Variants in PSMB2 observed in about 807,000 individuals in gnomAD.
The protein encoded by PSMB2 is proteasome 20S subunit beta 2.
PSMB2 carries 13 observed loss-of-function variants against 25.7 expected under a neutral mutation model. The observed-to-expected ratio is 0.51, with a 90% CI of 0.33 to 0.80. The LOEUF (loss-of-function observed/expected upper bound fraction) is 0.80. PSMB2 is among the 30% of genes least tolerant of loss of function. The pLI is 0.02. For synonymous variants in PSMB2, 87 were observed against 96.2 expected (o/e 0.90, Z 0.56); for missense variants, 202 against 259.0 (o/e 0.78, Z 1.51).
chr1:35,631,224 G>A, intron 3 of PSMB2, 50 bp downstream of exon 3: 3 of 1,565,346 alleles, frequency 1.9e-6, no homozygotes, highest in Non-Finnish European at 2.6e-6. Context: ...TATAAAAGAA[G>A]CACAAAGGAT....
chr1:35,601,606 T>C lies in PSMB2; in HGVS notation c.*1661A>G. On this transcript the variant is annotated 3_prime_UTR_variant, in exon 6 of 6. Coordinates refer to ENST00000373237, the MANE Select transcript of PSMB2 (RefSeq NM_002794.5). ...ATCTAATGTTAACCCAATACTTTAA[T>C]ATGAACGTTATGATCAGTAGGTAGT... The C allele has an allele frequency of 4.1e-6, 4 of 985,236 alleles. No homozygotes were observed. The highest frequency in any genetic ancestry group is 1.1e-4 in the East Asian group (1 of 8,816). The allele number at this position is 985,236 out of a possible 1,614,324, so 61.0% of individuals were successfully genotyped here.
At chr1:35,622,708 C>T (rs1650724946) in intron 3 of PSMB2, among the ~76,000 whole-genome samples, 1 of 151,400 alleles carries the variant, frequency 6.6e-6, no homozygotes, top group South Asian at 2.1e-4. Flanking sequence ...GAAAGCAACA[C>T]CTTCTCACAT....
chr1:35,628,261 A>G (rs1346433934), intron 3 of PSMB2, among the ~76,000 whole-genome samples: 2 of 152,082 alleles, frequency 1.3e-5, no homozygotes, highest in African/African-American at 4.8e-5. Context: ...AAGACATCAA[A>G]CATTTCTGCT....
intron 3 of PSMB2, among the ~76,000 whole-genome samples, chr1:35,629,338 A>G (rs77929824): frequency 7.4e-4 from 112 of 152,314 alleles, no homozygotes; most frequent in African/African-American, 2.6e-3. Flanking sequence ...TTTAGCAACC[A>G]TATGAACTTT....
Position 35,600,409 on chromosome 1 carries a change from TAGA to T in PSMB2, c.*2855_*2857del, listed in dbSNP as rs1430550893. 3.7e-6 allele frequency: 3 copies of T among 818,544 alleles called. No individual in the cohort carries two copies. Among genetic ancestry groups the T allele is most frequent in the African/African-American group, 3.7e-5 (2 of 53,672 alleles). 50.7% of individuals were successfully genotyped at this position (818,544 alleles called of 1,614,324 possible). On this transcript the variant is annotated 3_prime_UTR_variant, in exon 6 of 6. Transcript: ENST00000373237. ...GTTTTGACAAACATACTGTGGTATA[TAGA>T]AGATGTTAACATTACAGAAACTGAA...
chr1:35,602,798 G>T lies in PSMB2; in HGVS notation c.*469C>A. On this transcript the variant is annotated 3_prime_UTR_variant, in exon 6 of 6. Coordinates refer to ENST00000373237, the MANE Select transcript of PSMB2 (RefSeq NM_002794.5). ...GGTATGAGCCACCACACCCAGCTCT[G>T]GAAGAAATATTTTTCACTACATGTT... The T allele has an allele frequency of 1.4e-6, 1 of 721,496 alleles. No homozygotes were observed. Among genetic ancestry groups the T allele is most frequent in the Non-Finnish European group, 1.7e-6 (1 of 588,596 alleles). The allele number at this position is 721,496 out of a possible 1,614,324, so 44.7% of individuals were successfully genotyped here.
At chr1:35,626,690 T>C (rs995568997) in intron 3 of PSMB2, among the ~76,000 whole-genome samples, 1 of 152,240 alleles carries the variant, frequency 6.6e-6, no homozygotes, top group African/African-American at 2.4e-5. Context: ...CTAAGAGAAA[T>C]ACTTAACATC....
At chr1:35,628,629 ATATTT>A (rs1220596072) in intron 3 of PSMB2, among the ~76,000 whole-genome samples, 3 of 43,596 alleles carry the variant, frequency 6.9e-5, no homozygotes, top group Middle Eastern at 0.013. Context: ...ATATATATAT[ATATTT>A]TTTTTTTTTT....
rs1649944321 is a variant in PSMB2 at position 35,600,059 on chromosome 1, C to G, written c.*3208G>C. On this transcript the variant is annotated 3_prime_UTR_variant, in exon 6 of 6. Transcript: ENST00000373237. ...GCTGGGGTAAGAGGTTCACTTGAGC[C>G]CAGGAGTTCAAGTGAACTTACTGCA... 1.5e-6 allele frequency: 1 copy of G among 685,596 alleles called. No homozygotes were observed. The highest frequency in any genetic ancestry group is 2.0e-5 in the African/African-American group (1 of 51,016). 42.5% of individuals were successfully genotyped at this position (685,596 alleles called of 1,614,324 possible). A position where few individuals can be genotyped will look rare whatever the true frequency, so the allele number is the denominator to read the frequency against.
At chr1:35,637,847 G>T (rs1203866172) in intron 1 of PSMB2, among the ~76,000 whole-genome samples, 2 of 152,084 alleles carry the variant, frequency 1.3e-5, no homozygotes, top group Non-Finnish European at 2.9e-5. Context: ...GTTAATAAAC[G>T]AAAAACATTC....
chr1:35,604,145 T>C (rs10489761), intron 5 of PSMB2, among the ~76,000 whole-genome samples: 6,233 of 152,150 alleles, frequency 0.041, 303 homozygotes, highest in African/African-American at 0.12. Context: ...TCCTACTCTC[T>C]TACTAAACCA....
chr1:35,599,803 C>T lies in PSMB2; in HGVS notation c.*3464G>A, dbSNP rs1003115972. ...GGAGGCTGTTAAATAGTCTAAGAAA[C>T]GATAGGGGGTGAACCAGAGTAATGG... On this transcript the variant is annotated 3_prime_UTR_variant, in exon 6 of 6. Transcript: ENST00000373237. The T allele has an allele frequency of 5.1e-6, 5 of 984,766 alleles. No homozygotes were observed. The African/African-American group carries it at 5.2e-5, about 10-fold the overall frequency. 61.0% of individuals were successfully genotyped at this position (984,766 alleles called of 1,614,324 possible).
chr1:35,631,025 T>A (rs1231411025), intron 3 of PSMB2, among the ~76,000 whole-genome samples: 4 of 152,146 alleles, frequency 2.6e-5, no homozygotes, highest in African/African-American at 9.6e-5. Context: ...AAAAAAAGGG[T>A]AAGTTGTCAC....
At chr1:35,609,508 T>C in intron 3 of PSMB2, 100 bp from the exon 4 acceptor site, 1 of 1,112,132 alleles carries the variant, frequency 9.0e-7, no homozygotes, top group Non-Finnish European at 1.2e-6. Context: ...AGAAAGAAAA[T>C]ATTAGCAGCA....
chr1:35,623,459 G>A (rs1359348566), intron 3 of PSMB2, among the ~76,000 whole-genome samples: 1 of 152,160 alleles, frequency 6.6e-6, no homozygotes, highest in Non-Finnish European at 1.5e-5. Flanking sequence ...GAACATCTTG[G>A]TTTTCGTTTT....
At chr1:35,612,796 A>G (rs1222105376) in intron 3 of PSMB2, among the ~76,000 whole-genome samples, 1 of 152,210 alleles carries the variant, frequency 6.6e-6, no homozygotes, top group Non-Finnish European at 1.5e-5. Flanking sequence ...TCAAGTTGCA[A>G]TGGTATATTA....
intron 5 of PSMB2, among the ~76,000 whole-genome samples, chr1:35,604,171 C>T (rs1650092560): frequency 6.6e-6 from 1 of 152,152 alleles, no homozygotes; most frequent in Non-Finnish European, 1.5e-5. Context: ...TCAAGTTCAT[C>T]CTTAAGCCAC....
chr1:35,609,166 A>G (rs1425909264), intron 4 of PSMB2, 80 bp downstream of exon 4: 3 of 1,330,274 alleles, frequency 2.3e-6, no homozygotes, highest in Non-Finnish European at 2.9e-6. Context: ...TGGCCACCCA[A>G]CTCCAAGAGT....
intron 3 of PSMB2, among the ~76,000 whole-genome samples, chr1:35,609,775 A>G (rs1042899327): frequency 6.6e-6 from 1 of 152,216 alleles, no homozygotes; most frequent in Non-Finnish European, 1.5e-5. Flanking sequence ...TAAAATAACT[A>G]AAAGAGTATA....
Sources: gnomAD v4.1 joint callset for allele counts (sites outside exome capture counted in the v4.1 genomes callset) on GRCh38, gnomAD v4.1.1 for gene constraint, MANE v1.5 for transcripts, NCBI Gene and HGNC (gene_info 2026-07-23, HGNC 2026-07-21) for gene names.